Variants in TNFSF4 observed in about 807,000 individuals in gnomAD.
The protein encoded by TNFSF4 is tumor necrosis factor ligand superfamily member 4.
Under a neutral mutation model 7.3 loss-of-function variants are expected in TNFSF4, and 4 were observed. That is an observed-to-expected ratio of 0.55 (90% CI 0.27 to 1.25). The LOEUF is 1.25. Among genes scored for constraint, TNFSF4 ranks in the 50% most tolerant of loss-of-function variants. The probability of loss-of-function intolerance (pLI) is 0.12; values close to 1 mark genes in which losing one functional copy is unlikely to be tolerated. For synonymous variants in TNFSF4, 76 were observed against 83.7 expected, an observed-to-expected ratio of 0.91 and a Z score of 0.50; for missense variants, 181 against 208.8, an observed-to-expected ratio of 0.87 and a Z score of 0.82.
At chr1:173,202,226 G>C (rs1649977726) in intron 1 of TNFSF4, among the ~76,000 whole-genome samples, 1 of 152,120 alleles carries the variant, frequency 6.6e-6, no homozygotes, top group African/African-American at 2.4e-5. Context: ...TCTATACCTA[G>C]AGCCTTTTGG....
the TNFSF4 span, among the ~76,000 whole-genome samples, chr1:173,282,416 T>A: frequency 1.3e-5 from 2 of 152,132 alleles, no homozygotes; most frequent in African/African-American, 4.8e-5. Flanking sequence ...TTAAACTCAC[T>A]GTCTATGAAT....
At chr1:173,253,408 C>T in the TNFSF4 span, among the ~76,000 whole-genome samples, 374 of 152,290 alleles carry the variant, frequency 2.5e-3, 2 homozygotes, top group African/African-American at 8.4e-3. Context: ...CTGCCCCATG[C>T]CGTGCTGGCA....
At chr1:173,242,187 G>A in the TNFSF4 span, among the ~76,000 whole-genome samples, 513 of 152,298 alleles carry the variant, frequency 3.4e-3, 2 homozygotes, top group Non-Finnish European at 6.0e-3. Context: ...CCAGGCCACA[G>A]TATTTTCCCG....
At chr1:173,295,719 T>C in the TNFSF4 span, among the ~76,000 whole-genome samples, 104 of 152,138 alleles carry the variant, frequency 6.8e-4, 1 homozygote, top group East Asian at 0.019. Context: ...TTCAACGTCA[T>C]CTTATCCCTT....
intron 1 of TNFSF4, among the ~76,000 whole-genome samples, chr1:173,203,372 A>C (rs745626850): frequency 2.6e-5 from 4 of 152,206 alleles, no homozygotes; most frequent in Non-Finnish European, 5.9e-5. Flanking sequence ...TTCAGATGTT[A>C]ATTTTTTAAT....
chr1:173,259,624 G>C, the TNFSF4 span, among the ~76,000 whole-genome samples: 1 of 152,126 alleles, frequency 6.6e-6, no homozygotes, highest in Non-Finnish European at 1.5e-5. Flanking sequence ...ATGATAACCA[G>C]AATAACCAAT....
the TNFSF4 span, among the ~76,000 whole-genome samples, chr1:173,384,924 G>A: frequency 7.9e-5 from 12 of 152,044 alleles, no homozygotes; most frequent in Non-Finnish European, 1.6e-4. Flanking sequence ...ATAAAAATGG[G>A]TATATAGTTC....
the TNFSF4 span, among the ~76,000 whole-genome samples, chr1:173,226,716 G>A: frequency 3.3e-5 from 5 of 152,074 alleles, no homozygotes; most frequent in South Asian, 4.2e-4. Context: ...CTATCATCTC[G>A]ACTAATTCAC....
the TNFSF4 span, among the ~76,000 whole-genome samples, chr1:173,292,415 T>C: frequency 1.3e-5 from 2 of 152,086 alleles, no homozygotes; most frequent in Non-Finnish European, 2.9e-5. Context: ...AGAAAAGGCT[T>C]TCAATAAAAT....
the TNFSF4 span, among the ~76,000 whole-genome samples, chr1:173,428,814 G>T: frequency 6.6e-6 from 1 of 152,154 alleles, no homozygotes; most frequent in Admixed American, 6.5e-5. Flanking sequence ...AGACCAGCCT[G>T]GCCAACATGG....
chr1:173,221,358 G>T, the TNFSF4 span, among the ~76,000 whole-genome samples: 1 of 152,118 alleles, frequency 6.6e-6, no homozygotes, highest in East Asian at 1.9e-4. Context: ...AATGGAATAG[G>T]AGTTAAAGCA....
chr1:173,408,978 C>T, the TNFSF4 span, among the ~76,000 whole-genome samples: 2 of 152,130 alleles, frequency 1.3e-5, no homozygotes, highest in African/African-American at 4.8e-5. Context: ...GTGAAGAGGA[C>T]TGGCAGACAC....
chr1:173,349,372 C>A, the TNFSF4 span, among the ~76,000 whole-genome samples: 1 of 152,184 alleles, frequency 6.6e-6, no homozygotes, highest in Admixed American at 6.5e-5. Context: ...AACTCTGCCC[C>A]ATATTGCATC....
At chr1:173,443,286 C>A in the TNFSF4 span, among the ~76,000 whole-genome samples, 10 of 152,034 alleles carry the variant, frequency 6.6e-5, no homozygotes, top group East Asian at 1.9e-3. Flanking sequence ...GAGAAAAATA[C>A]ATTATTATTT....
At chr1:173,310,544 G>A in the TNFSF4 span, among the ~76,000 whole-genome samples, 1 of 151,618 alleles carries the variant, frequency 6.6e-6, no homozygotes, top group Non-Finnish European at 1.5e-5. Flanking sequence ...TCTTGCTTCA[G>A]GACCCAAAAT....
chr1:173,248,092 G>A, the TNFSF4 span, among the ~76,000 whole-genome samples: 3 of 151,882 alleles, frequency 2.0e-5, no homozygotes, highest in East Asian at 1.9e-4. Flanking sequence ...GCAGTGGCTC[G>A]CACCTGTAAT....
chr1:173,382,535 C>T, the TNFSF4 span, among the ~76,000 whole-genome samples: 1 of 152,184 alleles, frequency 6.6e-6, no homozygotes, highest in Non-Finnish European at 1.5e-5. Flanking sequence ...AACAAACCTG[C>T]ACGTTCTGCA....
chr1:173,205,482 T>C, intron 1 of TNFSF4: 1 of 1,501,006 alleles, frequency 6.7e-7, no homozygotes, highest in Non-Finnish European at 8.9e-7. Context: ...ACAACTGTGG[T>C]TCACCTTTTG....
At chr1:173,297,248 G>A in the TNFSF4 span, among the ~76,000 whole-genome samples, 1 of 151,822 alleles carries the variant, frequency 6.6e-6, no homozygotes, top group African/African-American at 2.4e-5. Flanking sequence ...ACCATCTAAT[G>A]ATATGTTAGA....
Sources: allele counts gnomAD v4.1 joint callset (sites outside exome capture counted in the v4.1 genomes callset), GRCh38; gene constraint gnomAD v4.1.1; transcripts MANE v1.5; gene names NCBI Gene and HGNC (gene_info 2026-07-23, HGNC 2026-07-21).